The following PARVB variants were observed in gnomAD, a reference collection of about 807,000 sequenced individuals.
PARVB encodes the protein parvin beta, also known as beta-parvin.
In PARVB, 46 loss-of-function variants were observed where a neutral mutation model predicts 47.0. That is an observed-to-expected ratio of 0.98 (90% confidence interval 0.77 to 1.25). The LOEUF (loss-of-function observed/expected upper bound fraction) is 1.25, where lower values mean the gene tolerates loss of function less well. Ranked by LOEUF, PARVB falls within the 50% of genes most tolerant of loss-of-function variation. PARVB has a pLI of 0.00. For synonymous variants in PARVB, 196 were observed against 196.3 expected (o/e 1.00, Z 0.01); for missense variants, 473 against 471.6 (o/e 1.00, Z -0.03).
At chr22:44,008,335 C>A (rs1444892287) in intron 2 of PARVB, among the ~76,000 whole-genome samples, 2 of 152,080 alleles carry the variant, frequency 1.3e-5, no homozygotes, top group African/African-American at 4.8e-5. Context: ...GTCTCAAACT[C>A]TTGACCTCAA....
chr22:44,072,525 C>T (rs1157925734), intron 1 of PARVB, among the ~76,000 whole-genome samples: 4 of 152,170 alleles, frequency 2.6e-5, no homozygotes, highest in Non-Finnish European at 5.9e-5. Flanking sequence ...ACCGCAACCT[C>T]CATCTCCCGG....
intron 2 of PARVB, among the ~76,000 whole-genome samples, chr22:44,098,161 C>T (rs1379395700): frequency 3.9e-5 from 6 of 152,110 alleles, no homozygotes; most frequent in Admixed American, 2.6e-4. Flanking sequence ...GGGATGTTTC[C>T]AGAAACGGGC....
At position 44,170,566 on chromosome 22, in the gene PARVB, G is replaced by A. The variant is rs2054257356; in HGVS notation, c.*1888G>A. 1 of 152,168 alleles carries A rather than the reference G, an allele frequency of 6.6e-6. No individual in the cohort carries two copies. Among genetic ancestry groups the A allele is most frequent in the Non-Finnish European group, 1.5e-5 (1 of 68,052 alleles). 9.4% of individuals were successfully genotyped at this position (152,168 alleles called of 1,614,324 possible). On this transcript the variant is annotated 3_prime_UTR_variant, in exon 13 of 13. Transcript: ENST00000338758. The stretch of plus-strand genomic sequence containing the variant: ...TATAAAAGGAGTCGCTGCTCACTCA[G>A]TTATGGGTTGTTCACCCCCTCGCTC...
At chr22:44,028,453 G>C (rs1198968219) in intron 1 of PARVB, among the ~76,000 whole-genome samples, 2 of 152,068 alleles carry the variant, frequency 1.3e-5, no homozygotes, top group Non-Finnish European at 2.9e-5. Context: ...ATACATTGAA[G>C]GCCCTTCCAT....
intron 1 of PARVB, among the ~76,000 whole-genome samples, chr22:44,040,741 C>T (rs1325457194): frequency 2.6e-5 from 4 of 152,134 alleles, no homozygotes; most frequent in Non-Finnish European, 4.4e-5. Context: ...GGAGGCCGGG[C>T]GCGGTGGCTC....
At chr22:44,133,389 G>T (rs962280042) in intron 6 of PARVB, among the ~76,000 whole-genome samples, 1 of 152,178 alleles carries the variant, frequency 6.6e-6, no homozygotes, top group African/African-American at 2.4e-5. Context: ...CTTTGCATTC[G>T]TTGGGGATTA....
intron 2 of PARVB, among the ~76,000 whole-genome samples, chr22:44,006,271 G>A (rs2050463533): frequency 6.9e-6 from 1 of 144,458 alleles, no homozygotes; most frequent in Admixed American, 7.3e-5. Context: ...TTTCAATAGT[G>A]TATATCCTAG....
intron 3 of PARVB, among the ~76,000 whole-genome samples, chr22:44,101,420 A>G (rs534423620): frequency 1.4e-5 from 2 of 145,164 alleles, no homozygotes; most frequent in Non-Finnish European, 2.9e-5. Flanking sequence ...AAAAAAATAA[A>G]AAATAAAAAA....
intron 1 of PARVB, among the ~76,000 whole-genome samples, chr22:44,070,018 G>A (rs1330473389): frequency 2.6e-5 from 4 of 152,194 alleles, no homozygotes; most frequent in South Asian, 4.1e-4. Flanking sequence ...AGCGCCCATC[G>A]TGACGGTCGG....
intron 1 of PARVB, among the ~76,000 whole-genome samples, chr22:44,056,449 T>G (rs1329799350): frequency 6.6e-6 from 1 of 152,224 alleles, no homozygotes; most frequent in East Asian, 1.9e-4. Flanking sequence ...CAAATTACTC[T>G]ACCTCTCTGT....
chr22:44,163,125 C>T (rs1040528216), intron 11 of PARVB, among the ~76,000 whole-genome samples: 5 of 152,142 alleles, frequency 3.3e-5, no homozygotes, highest in African/African-American at 1.2e-4. Flanking sequence ...GCCTGCGTGC[C>T]TCTGCACGGG....
chr22:44,009,620 A>G (rs889956147), intron 2 of PARVB: 1 of 150,838 alleles, frequency 6.6e-6, no homozygotes, highest in Admixed American at 6.6e-5. Context: ...TATGTGATAT[A>G]TGTAATATGT....
intron 1 of PARVB, among the ~76,000 whole-genome samples, chr22:44,088,380 C>T (rs940819322): frequency 1.3e-5 from 2 of 152,132 alleles, no homozygotes; most frequent in African/African-American, 4.8e-5. Context: ...GGTGCAAGAT[C>T]AGGTAGAACT....
At chr22:44,153,029 A>G (rs1054345539) in intron 10 of PARVB, 4 of 152,234 alleles carry the variant, frequency 2.6e-5, no homozygotes, top group African/African-American at 7.2e-5. Flanking sequence ...TTTTCTCTAC[A>G]CATATAGCGA....
chr22:44,057,732 C>T (rs545111171), intron 1 of PARVB, among the ~76,000 whole-genome samples: 33 of 151,914 alleles, frequency 2.2e-4, no homozygotes, highest in Middle Eastern at 3.4e-3. Context: ...ACCAGACACC[C>T]GCTTGGTGGG....
At chr22:44,002,629 T>C (rs1006104142) in intron 2 of PARVB, among the ~76,000 whole-genome samples, 1 of 152,116 alleles carries the variant, frequency 6.6e-6, no homozygotes, top group Admixed American at 6.6e-5. Context: ...CCTGCGTGGC[T>C]GTACACAGGA....
chr22:44,033,398 G>C (rs1258770322), intron 1 of PARVB, among the ~76,000 whole-genome samples: 1 of 152,176 alleles, frequency 6.6e-6, no homozygotes, highest in East Asian at 1.9e-4. Flanking sequence ...GTGCAGAGAA[G>C]CAGGTGTTTC....
chr22:44,045,274 T>C (rs1031181840), intron 1 of PARVB, among the ~76,000 whole-genome samples: 5 of 152,090 alleles, frequency 3.3e-5, no homozygotes, highest in African/African-American at 1.2e-4. Context: ...AATAAATACA[T>C]ACATACATAA....
intron 12 of PARVB, among the ~76,000 whole-genome samples, chr22:44,165,118 G>A (rs1464039308): frequency 6.6e-6 from 1 of 152,118 alleles, no homozygotes; most frequent in Non-Finnish European, 1.5e-5. Context: ...TCAGTCTGTC[G>A]AGTAACTGGG....
Sources: allele counts gnomAD v4.1 joint callset (sites outside exome capture counted in the v4.1 genomes callset), GRCh38; gene constraint gnomAD v4.1.1; transcripts MANE v1.5; gene names NCBI Gene and HGNC (gene_info 2026-07-23, HGNC 2026-07-21).